Variants in RYR1 observed in about 807,000 individuals in gnomAD.
RYR1 encodes the protein ryanodine receptor 1.
A neutral mutation model predicts 583.5 loss-of-function variants in RYR1; 342 were observed. That is an observed-to-expected ratio of 0.59 (90% CI 0.54 to 0.64). RYR1 has a LOEUF of 0.64. Ranked by LOEUF, RYR1 falls within the 30% of genes least tolerant of loss-of-function variation. The pLI is 0.00. For synonymous variants in RYR1, 2,791 were observed against 2,822.5 expected, an observed-to-expected ratio of 0.99 and a Z score of 0.35; for missense variants, 6,032 against 6,917.2, an observed-to-expected ratio of 0.87 and a Z score of 4.54.
At chr19:38,464,075 G>A (rs1170577818) in intron 22 of RYR1, among the ~76,000 whole-genome samples, 6 of 151,880 alleles carry the variant, frequency 4.0e-5, no homozygotes, top group Non-Finnish European at 8.8e-5. Flanking sequence ...TCAGCAGTTC[G>A]AGACCAGTCT....
intron 64 of RYR1, 121 bp downstream of exon 64, chr19:38,515,228 G>A (rs781720397): frequency 4.9e-6 from 4 of 823,462 alleles, no homozygotes; most frequent in Non-Finnish European, 8.0e-6. Flanking sequence ...CGCACACGGC[G>A]GCAGCCGCGG....
At chr19:38,519,970 G>C (rs1054533711) in intron 67 of RYR1, among the ~76,000 whole-genome samples, 3 of 151,584 alleles carry the variant, frequency 2.0e-5, no homozygotes, top group Admixed American at 2.0e-4. Context: ...AGCCAATGCA[G>C]CTGGCCAGTG....
At chr19:38,433,958 G>A in intron 1 of RYR1, 84 bp downstream of exon 1, 2 of 1,230,224 alleles carry the variant, frequency 1.6e-6, no homozygotes, top group Non-Finnish European at 2.4e-6. Flanking sequence ...TCCCTGTCCG[G>A]CTTGCTGGTG....
Position 38,444,576 on chromosome 19 carries a change from GC to G in RYR1, c.538-3del, listed in dbSNP as rs1385058807. On this transcript the variant is annotated splice_polypyrimidine_tract_variant and splice_region_variant and intron_variant, in intron 6 of 105. Transcript: ENST00000359596. The surrounding 1 kb of genome is among the most constrained non-coding windows in gnomAD (Gnocchi z 5.1). ...CGTCTCTGACTGCCGCATCCTGGTG[GC>G]CCCCAGCACCTGTCGACCGCCAGTG... 15 of 1,612,434 alleles carry G rather than the reference GC, an allele frequency of 9.3e-6. No individual in the cohort carries two copies. The highest frequency in any genetic ancestry group is 1.3e-5 in the Non-Finnish European group (15 of 1,179,138).
chr19:38,484,033 A>G (rs1969151249), intron 33 of RYR1, among the ~76,000 whole-genome samples: 1 of 152,042 alleles, frequency 6.6e-6, no homozygotes, highest in African/African-American at 2.4e-5. Flanking sequence ...TACTCTTAAG[A>G]ACTCTGAACG....
At chr19:38,458,393 T>C in intron 18 of RYR1, 101 bp downstream of exon 18, 1 of 1,240,322 alleles carries the variant, frequency 8.1e-7, no homozygotes, top group Non-Finnish European at 1.2e-6. Context: ...CCTGACTCCC[T>C]GAAAAGGTCA....
At chr19:38,501,513 T>C (rs1182823836) in intron 47 of RYR1, among the ~76,000 whole-genome samples, 1 of 152,170 alleles carries the variant, frequency 6.6e-6, no homozygotes, top group Non-Finnish European at 1.5e-5. Context: ...AATATTTTGT[T>C]CGCAGTATTG....
chr19:38,522,595 T>G (rs1326065222), intron 67 of RYR1, among the ~76,000 whole-genome samples: 2 of 151,466 alleles, frequency 1.3e-5, no homozygotes, highest in Non-Finnish European at 2.9e-5. Context: ...CCTGACAGAT[T>G]GAGACCCTGT....
intron 1 of RYR1, among the ~76,000 whole-genome samples, chr19:38,440,528 AT>A (rs1972621501): frequency 6.6e-6 from 1 of 152,144 alleles, no homozygotes; most frequent in Non-Finnish European, 1.5e-5. Context: ...AACAGAGACT[AT>A]TTCAAATAAA....
At position 38,512,051 on chromosome 19, in the gene RYR1, C is replaced by T. The variant is rs2960338; in HGVS notation, c.9173-21C>T. 0.13 allele frequency: 202,156 copies of T among 1,609,982 alleles called. 14,372 individuals carry two copies. Among genetic ancestry groups the T allele is most frequent in the African/African-American group, 0.25 (18,818 of 74,798 alleles). ...TGTCCTCTTAGCCATGGCATCCCCC[C>T]GGCCCATCTTCCTCTCCCAGGGACA... On this transcript the variant is annotated intron_variant, in intron 61 of 105. Transcript: ENST00000359596. This position sits in a 1 kb window ranked among gnomAD's most constrained non-coding sequence, Gnocchi z 5.1.
Position 38,565,140 on chromosome 19 carries a change from A to T in RYR1, c.12806A>T (p.Glu4269Val). 1 of 1,523,008 alleles carries T rather than the reference A, an allele frequency of 6.6e-7. No individual in the cohort carries two copies. 94.3% of individuals were successfully genotyped at this position (1,523,008 alleles called of 1,614,324 possible). The change falls in exon 91 of 106, where the codon GAG (glutamate) becomes GTG (valine). Residue 4269 changes from glutamate to valine, a missense_variant. Glu to Val is a moderately radical substitution (Grantham distance 121). Transcript: ENST00000359596. The surrounding 1 kb of genome is among the most constrained non-coding windows in gnomAD (Gnocchi z 4.7). ...TDEDEGAGAA[E>V]AGAEGAEEGA... ...GAGGACGAGGGCGCGGGCGCGGCGG[A>T]GGCGGGCGCGGAAGGCGCGGAGGAG...
intron 63 of RYR1, among the ~76,000 whole-genome samples, chr19:38,514,264 T>C (rs1406893770): frequency 6.8e-6 from 1 of 147,534 alleles, no homozygotes; most frequent in African/African-American, 2.5e-5. Context: ...ACCCCATCTC[T>C]AAAAAAATTT....
Position 38,587,320 on chromosome 19 carries a change from C to T in RYR1, c.15022-5C>T, listed in dbSNP as rs776023275. On this transcript the variant is annotated splice_polypyrimidine_tract_variant and splice_region_variant and intron_variant, in intron 105 of 105. Coordinates refer to ENST00000359596, the MANE Select transcript of RYR1 (RefSeq NM_000540.3). ...CCAATGAACTCTTTCTATCCCCAAT[C>T]CTAGGAGTCTTATGTCTGGAAGATG... 1.6e-5 allele frequency: 25 copies of T among 1,604,656 alleles called. No homozygotes were observed. Among genetic ancestry groups the T allele is most frequent in the Middle Eastern group, 1.7e-4 (1 of 6,038 alleles).
intron 7 of RYR1, among the ~76,000 whole-genome samples, chr19:38,445,842 T>A (rs1374726172): frequency 6.6e-6 from 1 of 151,556 alleles, no homozygotes; most frequent in African/African-American, 2.4e-5. Context: ...ATACAAAAAT[T>A]GGCTGGGCAT....
At chr19:38,582,702 T>G (rs1427073429) in intron 101 of RYR1, among the ~76,000 whole-genome samples, 2 of 152,158 alleles carry the variant, frequency 1.3e-5, no homozygotes, top group African/African-American at 4.8e-5. Context: ...AATGCACATT[T>G]ATATTTTCTC....
chr19:38,505,034 A>G lies in RYR1; in HGVS notation c.8263A>G (p.Ile2755Val), dbSNP rs1382963611. 5 of 1,614,032 alleles carry G rather than the reference A, an allele frequency of 3.1e-6. No homozygotes were observed. In the Admixed American group the frequency reaches 5.0e-5, roughly 16 times the overall value. The change falls in exon 52 of 106, where the codon ATT becomes GTT. Residue 2755 changes from isoleucine (I) to valine (V), a missense_variant. Physicochemically the swap from Ile to Val is conservative, Grantham distance 29. Around this residue, in one of 11 missense-constraint regions of RYR1, gnomAD observed 1,493 missense variants for 1,715.5 expected, o/e 0.87. Transcript: ENST00000359596. ...CATCCCGGAGAAGCTGGACTCCTTC[A>G]TTAACAAGTTTGCGGAGTACACACA... ...VIIPEKLDSF[I>V]NKFAEYTHEK... is the part of the protein sequence containing the mutation.
chr19:38,541,571 C>T lies in RYR1; in HGVS notation c.11690-1776C>T, dbSNP rs574798709. Among the ~76,000 whole-genome samples, 15 of 152,256 alleles carry T rather than the reference C, an allele frequency of 9.9e-5. No homozygotes were observed. In the South Asian group the frequency reaches 3.1e-3, roughly 32 times the overall value. ...TCTACTAAAAATGCAAAAAAATTAG[C>T]CGGGCGTGGTGGCGCATGCCTGTAA... On this transcript the variant is annotated intron_variant, in intron 84 of 105. Transcript: ENST00000359596.
intron 34 of RYR1, among the ~76,000 whole-genome samples, chr19:38,488,669 T>A (rs182316137): frequency 6.6e-5 from 10 of 151,494 alleles, no homozygotes; most frequent in Non-Finnish European, 1.3e-4. Flanking sequence ...ACCCAGCTAA[T>A]TTTTTTTTGT....
intron 13 of RYR1, among the ~76,000 whole-genome samples, chr19:38,453,337 GT>G (rs984197851): frequency 4.6e-5 from 7 of 151,992 alleles, no homozygotes; most frequent in Non-Finnish European, 5.9e-5. Context: ...TGAAGCTCAG[GT>G]ATAGGGTGAG....
Sources: gnomAD v4.1 joint callset for allele counts (sites outside exome capture counted in the v4.1 genomes callset) on GRCh38, gnomAD v4.1.1 for gene constraint, gnomAD v4.1.1 regional missense constraint, Gnocchi (gnomAD v3.1) non-coding constraint, MANE v1.5 for transcripts, NCBI Gene and HGNC (gene_info 2026-07-23, HGNC 2026-07-21) for gene names.